Variants in MFSD8 observed in about 807,000 individuals in gnomAD.
The protein encoded by MFSD8 is major facilitator superfamily domain-containing protein 8.
Under a neutral mutation model 66.4 loss-of-function variants are expected in MFSD8, and 55 were observed. The observed-to-expected ratio is 0.83, with a 90% CI of 0.67 to 1.04. The LOEUF (loss-of-function observed/expected upper bound fraction) is 1.04, where lower values mean the gene tolerates loss of function less well. MFSD8 is among the 50% of genes least tolerant of loss of function. MFSD8 has a pLI of 0.00. For synonymous variants in MFSD8, 202 were observed against 212.8 expected, an observed-to-expected ratio of 0.95 and a Z score of 0.44; for missense variants, 550 against 627.6, an observed-to-expected ratio of 0.88 and a Z score of 1.32.
At chr4:127,921,449 G>C in intron 11 of MFSD8, 75 bp downstream of exon 11, 1 of 1,609,174 alleles carries the variant, frequency 6.2e-7, no homozygotes, top group Non-Finnish European at 8.5e-7. Flanking sequence ...TGTAAAAATA[G>C]AGAATGGCAG....
In MFSD8 at chr4:127,921,916, A is replaced by AC; in HGVS notation, c.1045dup (p.Val349GlyfsTer24). 6.2e-7 allele frequency: 1 copy of AC among 1,614,186 alleles called. No homozygotes were observed. The highest frequency in any genetic ancestry group is 1.1e-5 in the South Asian group (1 of 91,078). ...CCAAGGTAACAAGATAAAGAAGCCAACCCATACAACGATGAGTCCTCCCAG... is the reference window on the plus strand; with the variant it reads ...CCAAGGTAACAAGATAAAGAAGCCAACCCCATACAACGATGAGTCCTCCCAG... On this transcript the variant is annotated frameshift_variant, in exon 10 of 12. Coordinates refer to ENST00000641686, the MANE Select transcript of MFSD8 (RefSeq NM_001371596.2). LOFTEE classifies it high-confidence loss of function.
chr4:127,932,035 C>T (rs746299892), intron 8 of MFSD8, among the ~76,000 whole-genome samples: 13 of 152,130 alleles, frequency 8.5e-5, no homozygotes, highest in Non-Finnish European at 1.3e-4. Context: ...CACCTGAGCC[C>T]AGGAGGTCAA....
rs113539975 is a variant in MFSD8, at chr4:127,933,208, T to A, written c.755-115A>T. On this transcript the variant is annotated intron_variant, in intron 7 of 11. Transcript: ENST00000641686. Reference sequence around the variant, plus strand: ...ATTTATAAATAAACATTTAAAAAAATTTTTAGGCTTCAAAGTAGTTTAATA... The same window carrying A: ...ATTTATAAATAAACATTTAAAAAAAATTTTAGGCTTCAAAGTAGTTTAATA... 1,683 of 806,780 alleles carry A rather than the reference T, an allele frequency of 2.1e-3. 20 individuals carry two copies. The African/African-American group carries it at 0.026, about 12-fold the overall frequency. The allele number at this position is 806,780 out of a possible 1,614,324, so 50.0% of individuals were successfully genotyped here. A position where few individuals can be genotyped will look rare whatever the true frequency, so the allele number is the denominator to read the frequency against.
At position 127,965,064 on chromosome 4, in the gene MFSD8, C is replaced by T. The variant is rs2149008103; in HGVS notation, c.62+8G>A. ...GACTGAGGGGTCCCTCCACCAGGAT[C>T]CGCTCACCTGCTTCCAGGTGTGTCG... On this transcript the variant is annotated splice_region_variant and intron_variant, in intron 1 of 11. Transcript: ENST00000641686. The T allele has an allele frequency of 6.2e-7, 1 of 1,613,366 alleles. No homozygotes were observed. The highest frequency in any genetic ancestry group is 1.3e-5 in the African/African-American group (1 of 75,062).
chr4:127,944,157 A>G (rs745996976), intron 3 of MFSD8, among the ~76,000 whole-genome samples, 165 bp from the exon 4 acceptor site: 15 of 152,230 alleles, frequency 9.9e-5, no homozygotes, highest in Non-Finnish European at 1.3e-4. Context: ...ACTTCTGACA[A>G]TACAATTAAA....
rs185229965 is a variant in MFSD8 at position 127,953,245 on chromosome 4, T to C, written c.155-3398A>G. On this transcript the variant is annotated intron_variant, in intron 2 of 11. Transcript: ENST00000641686. ...AGGTCACACCTGTAATCCTAGCACT[T>C]TGGGAGGCTGAGGCGGGCGGATCAC... Among the ~76,000 whole-genome samples the C allele has an allele frequency of 3.5e-3, 526 of 152,072 alleles. 3 individuals are homozygous for C. Among genetic ancestry groups the C allele is most frequent in the Non-Finnish European group, 5.2e-3 (353 of 67,968 alleles).
intron 2 of MFSD8, among the ~76,000 whole-genome samples, chr4:127,954,708 A>G (rs966183628): frequency 5.9e-5 from 9 of 152,232 alleles, no homozygotes; most frequent in African/African-American, 2.2e-4. Context: ...TGAATAGAAG[A>G]GTCCTGGAAT....
chr4:127,918,171 A>G lies in MFSD8; in HGVS notation c.*2459T>C, dbSNP rs1245325863. ...TATTTTCTCTTCTTAAATATGTACT[A>G]CTCTTAACAATATATCATACCTTAA... On this transcript the variant is annotated 3_prime_UTR_variant, in exon 12 of 12. Transcript: ENST00000641686. 1 of 152,150 alleles carries G rather than the reference A, an allele frequency of 6.6e-6. No individual in the cohort carries two copies. Among genetic ancestry groups the G allele is most frequent in the Non-Finnish European group, 1.5e-5 (1 of 68,024 alleles). 9.4% of individuals were successfully genotyped at this position (152,150 alleles called of 1,614,324 possible).
intron 8 of MFSD8, 165 bp downstream of exon 8, chr4:127,932,820 A>G (rs1010787884): frequency 8.8e-6 from 5 of 565,738 alleles, no homozygotes; most frequent in Non-Finnish European, 1.6e-5. Context: ...AATTAACTAC[A>G]TTCAAGTTAC....
rs1420279375 is a variant in MFSD8, at chr4:127,918,904, A to T, written c.*1726T>A. On this transcript the variant is annotated 3_prime_UTR_variant, in exon 12 of 12. Coordinates refer to ENST00000641686, the MANE Select transcript of MFSD8 (RefSeq NM_001371596.2). Reference sequence around the variant, plus strand: ...TATTTTTGTCATGCACACTATGCAAACCAAGGGTAGAGTTTACTCTTTAAG... The same window carrying T: ...TATTTTTGTCATGCACACTATGCAATCCAAGGGTAGAGTTTACTCTTTAAG... The T allele has an allele frequency of 6.6e-6, 1 of 152,204 alleles. No homozygotes were observed. The highest frequency in any genetic ancestry group is 2.4e-5 in the African/African-American group (1 of 41,462). The allele number at this position is 152,204 out of a possible 1,614,324, so 9.4% of individuals were successfully genotyped here.
chr4:127,955,411 G>C (rs1256355216), intron 2 of MFSD8, among the ~76,000 whole-genome samples: 1 of 151,824 alleles, frequency 6.6e-6, no homozygotes, highest in Non-Finnish European at 1.5e-5. Context: ...CATGGTGGTG[G>C]GTGACTGTAA....
intron 2 of MFSD8, among the ~76,000 whole-genome samples, chr4:127,952,469 A>G (rs1742156193): frequency 1.3e-5 from 2 of 152,156 alleles, no homozygotes; most frequent in Admixed American, 6.6e-5. Flanking sequence ...GAATTGACAT[A>G]GTTACTTTGA....
At chr4:127,938,713 C>T (rs1560745256) in intron 7 of MFSD8, 70 bp downstream of exon 7, 8 of 1,366,272 alleles carry the variant, frequency 5.9e-6, no homozygotes, top group Admixed American at 1.7e-5. Flanking sequence ...GAAGTAAATA[C>T]CAAACAAACA....
intron 4 of MFSD8, 47 bp downstream of exon 4, chr4:127,943,705 G>C: frequency 6.2e-7 from 1 of 1,612,516 alleles, no homozygotes; most frequent in South Asian, 1.1e-5. Flanking sequence ...ATAAATGTCA[G>C]AATGAATGTG....
chr4:127,927,889 T>A (rs1737483118), intron 9 of MFSD8, among the ~76,000 whole-genome samples: 1 of 151,966 alleles, frequency 6.6e-6, no homozygotes, highest in Non-Finnish European at 1.5e-5. Flanking sequence ...GAAATAGGGA[T>A]CTCATTATAT....
intron 3 of MFSD8, among the ~76,000 whole-genome samples, chr4:127,946,391 T>C (rs1198420970): frequency 6.6e-6 from 1 of 152,188 alleles, no homozygotes; most frequent in Non-Finnish European, 1.5e-5. Context: ...TTTTGATACA[T>C]GAAAATATCT....
chr4:127,929,516 A>T (rs538561253), intron 9 of MFSD8, among the ~76,000 whole-genome samples: 2 of 151,524 alleles, frequency 1.3e-5, no homozygotes, highest in South Asian at 4.2e-4. Flanking sequence ...TCAGCCCAGG[A>T]GTCTGAGGCT....
intron 9 of MFSD8, among the ~76,000 whole-genome samples, chr4:127,923,504 T>C (rs188221778): frequency 0.011 from 1,642 of 151,528 alleles, 14 homozygotes; most frequent in Non-Finnish European, 0.019. Flanking sequence ...ATAAGCTTTT[T>C]GATGTGCTGC....
upstream of MFSD8, chr4:127,965,242 C>T (rs923247880): frequency 6.4e-6 from 9 of 1,399,540 alleles, no homozygotes; most frequent in African/African-American, 5.7e-5. Context: ...CGCGTGCGCA[C>T]CTGACGGTCA....
Sources: allele counts gnomAD v4.1 joint callset (sites outside exome capture counted in the v4.1 genomes callset), GRCh38; gene constraint gnomAD v4.1.1; transcripts MANE v1.5; gene names NCBI Gene and HGNC (gene_info 2026-07-23, HGNC 2026-07-21).